Variants in GLI3 observed in about 807,000 individuals in gnomAD.
GLI3 encodes GLI family zinc finger 3.
In GLI3, 20 loss-of-function variants were observed where a neutral mutation model predicts 100.8. That is an observed-to-expected ratio of 0.20 (90% CI 0.14 to 0.29). The LOEUF (loss-of-function observed/expected upper bound fraction) is 0.29, where lower values mean the gene tolerates loss of function less well. Ranked by LOEUF, GLI3 falls within the 10% of genes least tolerant of loss-of-function variation. The probability of loss-of-function intolerance (pLI) is 1.00; values close to 1 mark genes in which losing one functional copy is unlikely to be tolerated. For missense variants in GLI3, 2,040 were observed against 2,128.5 expected (o/e 0.96, Z 0.82); for synonymous variants, 938 against 860.5 (o/e 1.09, Z -1.58).
At chr7:42,237,622 G>C (rs929180042), upstream of GLI3, among the ~76,000 whole-genome samples, 2 of 150,682 alleles carry the variant, frequency 1.3e-5, no homozygotes, top group Non-Finnish European at 3.0e-5. Context: ...GATGTTGCCG[G>C]ACTCTCCTCG....
chr7:42,042,157 C>T (rs1011449868), intron 6 of GLI3, among the ~76,000 whole-genome samples: 1 of 151,896 alleles, frequency 6.6e-6, no homozygotes, highest in Non-Finnish European at 1.5e-5. Context: ...GGACTACAGA[C>T]ACACACCACC....
intron 10 of GLI3, among the ~76,000 whole-genome samples, chr7:41,987,171 T>A (rs958469459): frequency 1.3e-5 from 2 of 151,230 alleles, no homozygotes; most frequent in Non-Finnish European, 2.9e-5. Flanking sequence ...CCTATTTTAT[T>A]TTTTTGAGAC....
intron 4 of GLI3, among the ~76,000 whole-genome samples, chr7:42,066,130 C>T (rs897338897): frequency 6.6e-6 from 1 of 152,092 alleles, no homozygotes; most frequent in East Asian, 1.9e-4. Flanking sequence ...CAGGGAACCT[C>T]ATGGGAAGAA....
intron 10 of GLI3, among the ~76,000 whole-genome samples, chr7:41,996,953 C>T (rs535109314): frequency 1.6e-4 from 24 of 152,296 alleles, no homozygotes; most frequent in African/African-American, 5.3e-4. Flanking sequence ...CAGTGTTTTA[C>T]AATTCCTCCT....
At chr7:42,150,407 C>T (rs545253140) in intron 2 of GLI3, among the ~76,000 whole-genome samples, 8 of 152,222 alleles carry the variant, frequency 5.3e-5, no homozygotes, top group African/African-American at 1.4e-4. Context: ...TTTGCAGTTA[C>T]GTAAAAGCAA....
intron 3 of GLI3, among the ~76,000 whole-genome samples, chr7:42,140,846 A>G (rs1317554981): frequency 6.6e-6 from 1 of 152,190 alleles, no homozygotes; most frequent in Non-Finnish European, 1.5e-5. Context: ...TGTTGCCTCT[A>G]TTAAGAAAGC....
At chr7:42,207,050 C>A (rs1271736278) in intron 2 of GLI3, among the ~76,000 whole-genome samples, 3 of 152,150 alleles carry the variant, frequency 2.0e-5, no homozygotes, top group African/African-American at 7.2e-5. Context: ...ACAGAAAATA[C>A]CAAGTGTTGA....
chr7:42,130,993 G>GA (rs1258120676), intron 3 of GLI3, among the ~76,000 whole-genome samples: 1 of 152,146 alleles, frequency 6.6e-6, no homozygotes, highest in East Asian at 1.9e-4. Flanking sequence ...ATCTTGTAGG[G>GA]AAGCCTTTTA....
intron 3 of GLI3, among the ~76,000 whole-genome samples, chr7:42,084,181 T>C (rs777371960): frequency 6.6e-6 from 1 of 152,206 alleles, no homozygotes; most frequent in Non-Finnish European, 1.5e-5. Context: ...TACCCATCAC[T>C]ACACTCTGGC....
At chr7:42,181,873 T>C (rs1337016821) in intron 2 of GLI3, among the ~76,000 whole-genome samples, 1 of 152,176 alleles carries the variant, frequency 6.6e-6, no homozygotes, top group Admixed American at 6.5e-5. Context: ...AAATCATCCA[T>C]GTACCGAACT....
At chr7:42,190,956 T>C (rs1287575933) in intron 2 of GLI3, among the ~76,000 whole-genome samples, 2 of 151,952 alleles carry the variant, frequency 1.3e-5, no homozygotes, top group Non-Finnish European at 2.9e-5. Context: ...ATTGATAAAA[T>C]TTAATACTTT....
At chr7:42,014,489 A>G (rs1788701628) in intron 10 of GLI3, among the ~76,000 whole-genome samples, 1 of 152,188 alleles carries the variant, frequency 6.6e-6, no homozygotes, top group Admixed American at 6.5e-5. Flanking sequence ...AAATTTTCCC[A>G]TACTTTCTGT....
chr7:42,249,931 C>CA (rs1175464773), intron 1 of GLI3, among the ~76,000 whole-genome samples: 1 of 151,930 alleles, frequency 6.6e-6, no homozygotes, highest in East Asian at 1.9e-4. Flanking sequence ...CCCAACTCTA[C>CA]AAAAAATACA....
rs1372210716 is a variant in GLI3, at chr7:42,223,283, G to C, written c.-30C>G. 3 of 1,598,708 alleles carry C rather than the reference G, an allele frequency of 1.9e-6. No individual in the cohort carries two copies. Among genetic ancestry groups the C allele is most frequent in the Non-Finnish European group, 2.6e-6 (3 of 1,170,384 alleles). ...TCTTCTCATTACTTCAGCTCTCTTC[G>C]ACCAAAAATGCCCTAAAGAAAACAA... On this transcript the variant is annotated 5_prime_UTR_variant, in exon 2 of 15. Coordinates refer to ENST00000395925, the MANE Select transcript of GLI3 (RefSeq NM_000168.6).
At chr7:42,238,547 A>AT (rs1243413662), upstream of GLI3, among the ~76,000 whole-genome samples, 2 of 152,186 alleles carry the variant, frequency 1.3e-5, no homozygotes, top group East Asian at 3.9e-4. Context: ...GCCACTTTAT[A>AT]AAAGACACAA....
chr7:41,964,413 T>C lies in GLI3; in HGVS notation c.4660A>G (p.Thr1554Ala), dbSNP rs1787100042. The C allele has an allele frequency of 6.2e-7, 1 of 1,613,880 alleles. No homozygotes were observed. Among genetic ancestry groups the C allele is most frequent in the Non-Finnish European group, 8.5e-7 (1 of 1,179,832 alleles). ...SLPFPALSMS[T>A]TNMAIGDMSS... Reference sequence around the variant, plus strand: ...ATGTCCCCGATAGCCATGTTGGTGGTGCTCATGGACAGCGCTGGGAATGGG... The same window carrying C: ...ATGTCCCCGATAGCCATGTTGGTGGCGCTCATGGACAGCGCTGGGAATGGG... Residue 1554 changes from threonine to alanine, a missense_variant, in exon 15 of 15, where the codon ACC (threonine) becomes GCC (alanine). Physicochemically the swap from Thr to Ala is moderately conservative, Grantham distance 58. This residue lies in a region of GLI3 where 1,041 missense variants were observed against 924.0 expected (regional missense o/e 1.13). Coordinates refer to ENST00000395925, the MANE Select transcript of GLI3 (RefSeq NM_000168.6).
intron 1 of GLI3, among the ~76,000 whole-genome samples, chr7:42,263,457 T>TA (rs1033492200): frequency 5.0e-5 from 7 of 140,670 alleles, no homozygotes; most frequent in South Asian, 2.2e-4. Context: ...ATTTATTTTT[T>TA]TTTTTTGAAA....
intron 1 of GLI3, among the ~76,000 whole-genome samples, chr7:42,255,163 T>C (rs2330416): frequency 0.83 from 126,155 of 151,342 alleles, 52,852 homozygotes; most frequent in Middle Eastern, 0.93. Context: ...CCCTTCACCC[T>C]ATTGTTAATG....
chr7:42,046,125 A>G (rs1784239621), intron 5 of GLI3, among the ~76,000 whole-genome samples: 2 of 152,208 alleles, frequency 1.3e-5, no homozygotes, highest in African/African-American at 4.8e-5. Context: ...AAGAAAATAT[A>G]CCTATCAATC....
Sources: allele counts gnomAD v4.1 joint callset (sites outside exome capture counted in the v4.1 genomes callset), GRCh38; gene constraint gnomAD v4.1.1; regional missense constraint gnomAD v4.1.1; transcripts MANE v1.5; gene names NCBI Gene and HGNC (gene_info 2026-07-23, HGNC 2026-07-21).